ZRANB3: variants seen among roughly 807,000 people sequenced by gnomAD.
ZRANB3 encodes DNA annealing helicase and endonuclease ZRANB3.
A neutral mutation model predicts 133.8 loss-of-function variants in ZRANB3; 125 were observed. The observed-to-expected ratio is 0.93, with a 90% CI of 0.81 to 1.08. ZRANB3 has a LOEUF of 1.08. ZRANB3 is among the 50% of genes least tolerant of loss of function. ZRANB3 has a pLI of 0.00. For missense variants in ZRANB3, 1,229 were observed against 1,275.5 expected, an observed-to-expected ratio of 0.96 and a Z score of 0.56; for synonymous variants, 387 against 432.7, an observed-to-expected ratio of 0.89 and a Z score of 1.31.
At chr2:135,206,830 A>C (rs2105037873) in intron 19 of ZRANB3, among the ~76,000 whole-genome samples, 1 of 152,230 alleles carries the variant, frequency 6.6e-6, no homozygotes, top group East Asian at 1.9e-4. Flanking sequence ...GAATGAAAAT[A>C]TTCAAGAGTG....
At chr2:135,296,552 G>C (rs947755296) in intron 8 of ZRANB3, among the ~76,000 whole-genome samples, 1 of 151,852 alleles carries the variant, frequency 6.6e-6, no homozygotes, top group African/African-American at 2.4e-5. Context: ...TGAGTAGTTT[G>C]ATCTTCTGAA....
At chr2:135,409,873 C>T (rs1163943693) in intron 2 of ZRANB3, among the ~76,000 whole-genome samples, 1 of 152,088 alleles carries the variant, frequency 6.6e-6, no homozygotes, top group Non-Finnish European at 1.5e-5. Flanking sequence ...GTCCCATTTA[C>T]AATAGCCACA....
At chr2:135,358,107 C>T (rs894950953) in intron 3 of ZRANB3, among the ~76,000 whole-genome samples, 5 of 152,146 alleles carry the variant, frequency 3.3e-5, no homozygotes, top group African/African-American at 1.2e-4. Flanking sequence ...AAGGCTCAAC[C>T]CCATCTCTGT....
At chr2:135,498,785 A>T (rs75004674) in intron 2 of ZRANB3, among the ~76,000 whole-genome samples, 8 of 152,218 alleles carry the variant, frequency 5.3e-5, no homozygotes, top group East Asian at 3.9e-4. Flanking sequence ...TTACGGTTGT[A>T]GATAAGGGAT....
chr2:135,415,131 A>C (rs1016100288), intron 2 of ZRANB3, among the ~76,000 whole-genome samples: 2 of 129,316 alleles, frequency 1.5e-5, no homozygotes, highest in Non-Finnish European at 3.3e-5. Flanking sequence ...AAATAGAGAC[A>C]AAAAAAAAAC....
At chr2:135,311,850 C>G (rs1186142631) in intron 8 of ZRANB3, among the ~76,000 whole-genome samples, 1 of 152,160 alleles carries the variant, frequency 6.6e-6, no homozygotes, top group East Asian at 1.9e-4. Context: ...CTGAATCAAT[C>G]TCAAAACCTT....
intron 3 of ZRANB3, among the ~76,000 whole-genome samples, chr2:135,366,463 A>G (rs963205084): frequency 6.6e-6 from 1 of 152,194 alleles, no homozygotes; most frequent in Non-Finnish European, 1.5e-5. Context: ...ATTGAGCCCT[A>G]ATGAGTTGAG....
chr2:135,223,476 C>T (rs1005282052), intron 15 of ZRANB3, among the ~76,000 whole-genome samples: 5 of 151,658 alleles, frequency 3.3e-5, no homozygotes, highest in African/African-American at 9.7e-5. Flanking sequence ...AAGGCACTTG[C>T]TACCACACCC....
At chr2:135,381,472 T>C (rs775495151) in intron 3 of ZRANB3, among the ~76,000 whole-genome samples, 2 of 152,150 alleles carry the variant, frequency 1.3e-5, no homozygotes, top group Non-Finnish European at 2.9e-5. Flanking sequence ...GAGACTTAAA[T>C]GTCCCTGACA....
intron 19 of ZRANB3, 116 bp from the exon 20 acceptor site, chr2:135,203,079 C>A: frequency 1.6e-6 from 2 of 1,247,830 alleles, no homozygotes; most frequent in South Asian, 1.5e-5. Flanking sequence ...AAAAATACAT[C>A]AGGAGAGCTT....
chr2:135,329,604 T>A (rs1684031663), intron 6 of ZRANB3, among the ~76,000 whole-genome samples: 2 of 152,332 alleles, frequency 1.3e-5, no homozygotes, highest in South Asian at 4.1e-4. Context: ...AGAAAGTCAT[T>A]GGTAGCGTGA....
At position 135,493,618 on chromosome 2, in the gene ZRANB3, C is replaced by T. The variant is rs576167176; in HGVS notation, c.161+10711G>A. ...AAGTAAAACATAATAAGCTACATCT[C>T]GAATAGTCATTCATTTTGAATGCCT... On this transcript the variant is annotated intron_variant, in intron 2 of 20. Coordinates refer to ENST00000264159, the MANE Select transcript of ZRANB3 (RefSeq NM_032143.4). Among the ~76,000 whole-genome samples, 12 of 152,104 alleles carry T rather than the reference C, an allele frequency of 7.9e-5. No individual in the cohort carries two copies. In the South Asian group the frequency reaches 1.9e-3, roughly 24 times the overall value.
At chr2:135,315,260 C>T in intron 7 of ZRANB3, 99 bp downstream of exon 7, 1 of 1,187,202 alleles carries the variant, frequency 8.4e-7, no homozygotes, top group African/African-American at 1.6e-5. Context: ...TTTAAGAAAG[C>T]AAACCTTTCC....
At chr2:135,360,340 G>A (rs887811797) in intron 3 of ZRANB3, among the ~76,000 whole-genome samples, 4 of 150,858 alleles carry the variant, frequency 2.7e-5, no homozygotes, top group Admixed American at 6.6e-5. Flanking sequence ...GAGATCATGC[G>A]TTTGTACTCC....
chr2:135,481,867 T>C (rs1379000627), intron 2 of ZRANB3, among the ~76,000 whole-genome samples: 7 of 149,516 alleles, frequency 4.7e-5, no homozygotes, highest in East Asian at 2.0e-4. Context: ...ATTTATTAAA[T>C]AGGGAATCCT....
intron 8 of ZRANB3, among the ~76,000 whole-genome samples, chr2:135,309,505 A>C (rs1265415665): frequency 6.6e-6 from 1 of 152,204 alleles, no homozygotes. Flanking sequence ...TTAACCAAAA[A>C]TCCACAAGAA....
intron 19 of ZRANB3, among the ~76,000 whole-genome samples, chr2:135,204,521 G>T (rs1385460535): frequency 6.6e-6 from 1 of 151,336 alleles, no homozygotes; most frequent in Non-Finnish European, 1.5e-5. Context: ...CACTTGATGT[G>T]GTAGTGCATG....
chr2:135,370,546 G>C lies in ZRANB3; in HGVS notation c.181-16918C>G, dbSNP rs143163036. 1.7e-3 allele frequency among the ~76,000 whole-genome samples: 262 copies of C among 152,224 alleles called. 1 individual carries two copies. Among genetic ancestry groups the C allele is most frequent in the Middle Eastern group, 3.4e-3 (1 of 294 alleles). On this transcript the variant is annotated intron_variant, in intron 3 of 20. Transcript: ENST00000264159. ...AGTTCTAAGAACTTACCAAACAGAA[G>C]ACTCAATAATATTTATTTGTTGCAT...
chr2:135,399,345 G>A (rs1687638638), intron 2 of ZRANB3, among the ~76,000 whole-genome samples: 1 of 152,208 alleles, frequency 6.6e-6, no homozygotes, highest in African/African-American at 2.4e-5. Flanking sequence ...TAGTATTAAA[G>A]TGTACATTCA....
Sources: allele counts gnomAD v4.1 joint callset (sites outside exome capture counted in the v4.1 genomes callset), GRCh38; gene constraint gnomAD v4.1.1; transcripts MANE v1.5; gene names NCBI Gene and HGNC (gene_info 2026-07-23, HGNC 2026-07-21).